Variants in SERPINI1 observed in about 807,000 individuals in gnomAD.
The protein encoded by SERPINI1 is neuroserpin.
A neutral mutation model predicts 41.1 loss-of-function variants in SERPINI1; 19 were observed. The observed-to-expected ratio is 0.46, with a 90% confidence interval of 0.32 to 0.68. The LOEUF is 0.68. Among genes scored for constraint, SERPINI1 ranks in the 30% least tolerant of loss-of-function variants. The pLI, the probability that SERPINI1 is intolerant of heterozygous loss-of-function variation, is 0.03. For synonymous variants in SERPINI1, 138 were observed against 156.6 expected, an observed-to-expected ratio of 0.88 and a Z score of 0.89; for missense variants, 460 against 479.2, an observed-to-expected ratio of 0.96 and a Z score of 0.37.
intron 1 of SERPINI1, among the ~76,000 whole-genome samples, chr3:167,772,944 A>G (rs1478052284): frequency 7.8e-6 from 1 of 128,088 alleles, no homozygotes; most frequent in Non-Finnish European, 1.6e-5. Flanking sequence ...ATATACATAT[A>G]TACACATATA....
Position 167,792,414 on chromosome 3 carries a change from A to ATG in SERPINI1, c.482-166_482-165dup, listed in dbSNP as rs149288201. On this transcript the variant is annotated intron_variant, in intron 3 of 8. Coordinates refer to ENST00000446050, the MANE Select transcript of SERPINI1 (RefSeq NM_001122752.2). ...ATATATATATATGTAGTGTGTGTGT[A>ATG]TGTGTGTGTGTATAACTCTTTTCCC... Among the ~76,000 whole-genome samples the ATG allele has an allele frequency of 2.8e-4, 42 of 151,278 alleles. No homozygotes were observed. In the East Asian group the frequency reaches 7.0e-3, roughly 25 times the overall value.
At chr3:167,794,403 C>A (rs1311913571) in intron 4 of SERPINI1, among the ~76,000 whole-genome samples, 1 of 151,786 alleles carries the variant, frequency 6.6e-6, no homozygotes. Flanking sequence ...CAAATTTAAA[C>A]CTTTTTATTT....
intron 1 of SERPINI1, among the ~76,000 whole-genome samples, chr3:167,776,384 C>T (rs1302687547): frequency 6.6e-6 from 1 of 152,200 alleles, no homozygotes; most frequent in Admixed American, 6.5e-5. Context: ...GGCTGGGGAC[C>T]TGCCAGCTCA....
At chr3:167,772,862 C>CTATATA (rs1439011529) in intron 1 of SERPINI1, among the ~76,000 whole-genome samples, 8 of 23,654 alleles carry the variant, frequency 3.4e-4, no homozygotes, top group East Asian at 2.4e-3. Flanking sequence ...CTCTCTCTCT[C>CTATATA]TCTATATATA....
chr3:167,757,722 C>A (rs953162974), intron 1 of SERPINI1, among the ~76,000 whole-genome samples: 3 of 152,010 alleles, frequency 2.0e-5, no homozygotes, highest in Non-Finnish European at 4.4e-5. Context: ...GGTTTGAGAC[C>A]AGCCTGACTA....
intron 1 of SERPINI1, among the ~76,000 whole-genome samples, chr3:167,775,603 G>A (rs906018709): frequency 6.6e-6 from 1 of 151,912 alleles, no homozygotes; most frequent in Non-Finnish European, 1.5e-5. Flanking sequence ...TTTATTACAC[G>A]AAAACATTTT....
intron 1 of SERPINI1, among the ~76,000 whole-genome samples, chr3:167,776,963 G>C (rs1242042149): frequency 6.6e-6 from 1 of 152,138 alleles, no homozygotes; most frequent in East Asian, 1.9e-4. Context: ...GTTTTAGTAA[G>C]AATCCTGCTG....
intron 1 of SERPINI1, among the ~76,000 whole-genome samples, chr3:167,763,357 T>TTGTGTGTG (rs35578479): frequency 0.024 from 3,481 of 147,656 alleles, 143 homozygotes; most frequent in East Asian, 0.15. Context: ...AACCACAGTT[T>TTGTGTGTG]TGTGTGTGTG....
intron 1 of SERPINI1, among the ~76,000 whole-genome samples, chr3:167,753,614 C>T (rs1237742636): frequency 1.3e-5 from 2 of 152,016 alleles, no homozygotes; most frequent in African/African-American, 4.8e-5. Flanking sequence ...CCCCTGTGGC[C>T]TTTTTTCAAA....
At chr3:167,747,675 T>C (rs989947844) in intron 1 of SERPINI1, among the ~76,000 whole-genome samples, 11 of 152,130 alleles carry the variant, frequency 7.2e-5, no homozygotes, top group African/African-American at 2.4e-4. Context: ...AAACACTAGA[T>C]TATACACCTT....
chr3:167,786,905 C>T (rs1234837438), intron 1 of SERPINI1, among the ~76,000 whole-genome samples: 2 of 152,128 alleles, frequency 1.3e-5, no homozygotes, highest in Non-Finnish European at 2.9e-5. Flanking sequence ...GAACTTCTAC[C>T]CATGCAAGCT....
At chr3:167,778,303 G>A (rs1335933966) in intron 1 of SERPINI1, among the ~76,000 whole-genome samples, 1 of 152,202 alleles carries the variant, frequency 6.6e-6, no homozygotes, top group African/African-American at 2.4e-5. Flanking sequence ...CACTGTTGCA[G>A]CAGAGAAAGG....
chr3:167,823,930 A>G (rs572795580), intron 7 of SERPINI1, among the ~76,000 whole-genome samples: 77 of 152,316 alleles, frequency 5.1e-4, no homozygotes, highest in South Asian at 1.2e-3. Flanking sequence ...TAGCCCAGTC[A>G]TAGGATACCT....
intron 1 of SERPINI1, among the ~76,000 whole-genome samples, chr3:167,784,399 A>G (rs967214822): frequency 6.6e-6 from 1 of 152,218 alleles, no homozygotes; most frequent in Admixed American, 6.5e-5. Context: ...TGGAACCTCT[A>G]TCAGTCTTGG....
At chr3:167,817,846 A>G (rs7651764) in intron 6 of SERPINI1, among the ~76,000 whole-genome samples, 45,963 of 151,368 alleles carry the variant, frequency 0.3, 8,800 homozygotes, top group African/African-American at 0.55. Context: ...TAATCTGCCC[A>G]CCTCGGCCTC....
intron 1 of SERPINI1, among the ~76,000 whole-genome samples, chr3:167,748,752 C>CTGTGTGTGTGTG (rs34438429): frequency 7.7e-4 from 110 of 143,636 alleles, no homozygotes; most frequent in African/African-American, 1.2e-3. Context: ...GTGTGTTACT[C>CTGTGTGTGTGTG]TGTGTGTGTG....
intron 4 of SERPINI1, among the ~76,000 whole-genome samples, chr3:167,793,594 A>ATTTTTTTT (rs544906097): frequency 9.4e-6 from 1 of 106,416 alleles, no homozygotes; most frequent in African/African-American, 3.8e-5. Flanking sequence ...ATATATATAT[A>ATTTTTTTT]TATTTTTAAT....
intron 7 of SERPINI1, among the ~76,000 whole-genome samples, chr3:167,823,522 A>T (rs1712411748): frequency 6.6e-6 from 1 of 152,160 alleles, no homozygotes; most frequent in Non-Finnish European, 1.5e-5. Context: ...GATATTTTTG[A>T]TACAGGTATG....
intron 1 of SERPINI1, chr3:167,736,244 T>G (rs1349277322): frequency 6.6e-6 from 1 of 152,194 alleles, no homozygotes; most frequent in Non-Finnish European, 1.5e-5. Flanking sequence ...ACCCTTTACG[T>G]TGGTTTATCA....
Sources: gnomAD v4.1 joint callset for allele counts (sites outside exome capture counted in the v4.1 genomes callset) on GRCh38, gnomAD v4.1.1 for gene constraint, MANE v1.5 for transcripts, NCBI Gene and HGNC (gene_info 2026-07-23, HGNC 2026-07-21) for gene names.